Variants in MED13L observed in about 807,000 individuals in gnomAD.
The protein encoded by MED13L is mediator of RNA polymerase II transcription subunit 13-like.
Under a neutral mutation model 220.9 loss-of-function variants are expected in MED13L, and 7 were observed. The observed-to-expected ratio is 0.03, with a 90% CI of 0.02 to 0.06. The LOEUF is 0.06. Ranked by LOEUF, MED13L falls within the 10% of genes least tolerant of loss-of-function variation. The probability of loss-of-function intolerance (pLI) is 1.00; values close to 1 mark genes in which losing one functional copy is unlikely to be tolerated. For synonymous variants in MED13L, 1,011 were observed against 1,015.2 expected, an observed-to-expected ratio of 1.00 and a Z score of 0.08; for missense variants, 1,965 against 2,760.5, an observed-to-expected ratio of 0.71 and a Z score of 6.46.
At chr12:116,204,093 C>A (rs1251126460) in intron 2 of MED13L, among the ~76,000 whole-genome samples, 1 of 152,190 alleles carries the variant, frequency 6.6e-6, no homozygotes, top group Non-Finnish European at 1.5e-5. Context: ...AGCTACTGAT[C>A]TGCTTCCAAA....
intron 4 of MED13L, among the ~76,000 whole-genome samples, chr12:116,047,337 G>A (rs1881901583): frequency 6.6e-6 from 1 of 152,224 alleles, no homozygotes; most frequent in African/African-American, 2.4e-5. Context: ...GGGTGACAGA[G>A]AAAGAGCCTG....
In MED13L at chr12:115,991,638, C is replaced by T; in HGVS notation, c.3316G>A (p.Ala1106Thr). Residue 1106 changes from alanine (A) to threonine (T), a missense_variant, in exon 17 of 31, where the codon GCC becomes ACC. Physicochemically the swap from Ala to Thr is moderately conservative, Grantham distance 58. Around this residue, in one of 10 missense-constraint regions of MED13L, gnomAD observed 233 missense variants for 306.2 expected, o/e 0.76. Coordinates refer to ENST00000281928, the MANE Select transcript of MED13L (RefSeq NM_015335.5). The surrounding 1 kb of genome is among the most constrained non-coding windows in gnomAD (Gnocchi z 7.7). The stretch of plus-strand genomic sequence containing the variant: ...ATCAGGGTAACATAGAGGCTGTGGG[C>T]TTCGGGAATTGGCTGCATGGTGGCG... The part of the protein sequence containing the change: ...EPATMQPIPE[A>T]HSLYVTLILS... 6.2e-7 allele frequency: 1 copy of T among 1,614,036 alleles called. No individual in the cohort carries two copies. Among genetic ancestry groups the T allele is most frequent in the South Asian group, 1.1e-5 (1 of 91,076 alleles).
intron 2 of MED13L, among the ~76,000 whole-genome samples, chr12:116,160,531 T>C (rs1465260609): frequency 6.6e-6 from 1 of 151,802 alleles, no homozygotes; most frequent in African/African-American, 2.4e-5. Flanking sequence ...TCAGCTCCTT[T>C]GGGCCTTGGC....
chr12:115,984,302 G>A lies in MED13L; in HGVS notation c.4409C>T (p.Thr1470Ile). 1.2e-6 allele frequency: 2 copies of A among 1,614,072 alleles called. No homozygotes were observed. Among genetic ancestry groups the A allele is most frequent in the Non-Finnish European group, 1.7e-6 (2 of 1,180,014 alleles). Residue 1470 changes from threonine (T) to isoleucine (I), a missense_variant, in exon 20 of 31, where the codon ACT becomes ATT. Physicochemically the swap from Thr to Ile is moderately conservative, Grantham distance 89 (BLOSUM62 -1). This residue lies in a region of MED13L where 510 missense variants were observed against 620.4 expected (regional missense o/e 0.82). Transcript: ENST00000281928. ...CTCATCTGTCAGCTTCTGTGCCACA[G>A]TTTTTCCCACGCGCATGATCCCGTC... The part of the protein sequence containing the change: ...LRDGIMRVGK[T>I]VAQKLTDELV...
At chr12:115,972,263 C>T in intron 25 of MED13L, 27 bp from the exon 26 acceptor site, 1 of 1,609,704 alleles carries the variant, frequency 6.2e-7, no homozygotes, top group Non-Finnish European at 8.5e-7. Flanking sequence ...CAGTCATACA[C>T]AGTCTTTAGA....
At position 116,057,034 on chromosome 12, in the gene MED13L, TA is replaced by T. The variant is rs138914487; in HGVS notation, c.480-34434del. Reference sequence around the variant, plus strand: ...ATCCTAAATCATTCTGGTAAAAGAATAAAAATGGTCTCTTTCTCTCATAAGA... The same window carrying T: ...ATCCTAAATCATTCTGGTAAAAGAATAAAATGGTCTCTTTCTCTCATAAGA... On this transcript the variant is annotated intron_variant, in intron 4 of 30. Coordinates refer to ENST00000281928, the MANE Select transcript of MED13L (RefSeq NM_015335.5). Among the ~76,000 whole-genome samples the T allele has an allele frequency of 4.8e-3, 729 of 152,300 alleles. 5 individuals carry two copies. The highest frequency in any genetic ancestry group is 7.5e-3 in the Admixed American group (114 of 15,290).
chr12:115,969,803 C>T (rs997493633), intron 27 of MED13L, among the ~76,000 whole-genome samples: 1 of 152,128 alleles, frequency 6.6e-6, no homozygotes, highest in Non-Finnish European at 1.5e-5. Flanking sequence ...GGATTACAGG[C>T]ATAAGCCACC....
chr12:116,271,638 A>G (rs1189204028), intron 1 of MED13L, among the ~76,000 whole-genome samples: 1 of 152,116 alleles, frequency 6.6e-6, no homozygotes, highest in African/African-American at 2.4e-5. Context: ...AAAAAAAAAA[A>G]AAAGAAACGT....
chr12:116,096,055 T>A (rs1464450368), intron 4 of MED13L, among the ~76,000 whole-genome samples: 1 of 151,930 alleles, frequency 6.6e-6, no homozygotes, highest in Non-Finnish European at 1.5e-5. Flanking sequence ...ACAACACTTT[T>A]AAAAAATCAA....
chr12:116,130,125 C>G (rs1004253513), intron 2 of MED13L, among the ~76,000 whole-genome samples: 1 of 152,118 alleles, frequency 6.6e-6, no homozygotes, highest in Non-Finnish European at 1.5e-5. Flanking sequence ...TCACAAAAAA[C>G]TGCCTAAACA....
intron 2 of MED13L, among the ~76,000 whole-genome samples, chr12:116,182,574 C>T (rs536164592): frequency 2.3e-4 from 35 of 152,332 alleles, no homozygotes; most frequent in South Asian, 4.1e-4. Flanking sequence ...TACTGTTTCC[C>T]ATTTGCTACA....
At chr12:116,071,191 A>T (rs1870343303) in intron 4 of MED13L, among the ~76,000 whole-genome samples, 1 of 152,212 alleles carries the variant, frequency 6.6e-6, no homozygotes, top group East Asian at 1.9e-4. Context: ...GATATAGAGA[A>T]GACAGCAGTT....
chr12:115,981,011 A>G, intron 22 of MED13L, 73 bp from the exon 23 acceptor site: 1 of 1,332,296 alleles, frequency 7.5e-7, no homozygotes, highest in South Asian at 1.3e-5. Flanking sequence ...CTAACAAGCA[A>G]GCTGAAAAAG....
intron 1 of MED13L, among the ~76,000 whole-genome samples, chr12:116,257,560 C>A (rs972365260): frequency 1.5e-4 from 23 of 152,258 alleles, no homozygotes; most frequent in Middle Eastern, 3.4e-3. Context: ...AGTAACAAGA[C>A]AGAAAGAGCC....
At chr12:116,226,948 T>C (rs1869069201) in intron 2 of MED13L, among the ~76,000 whole-genome samples, 2 of 150,694 alleles carry the variant, frequency 1.3e-5, no homozygotes, top group South Asian at 4.2e-4. Context: ...GTGTTATTTC[T>C]ACCATTAAGG....
intron 2 of MED13L, among the ~76,000 whole-genome samples, chr12:116,221,330 C>T (rs943758950): frequency 3.3e-5 from 5 of 149,432 alleles, no homozygotes; most frequent in African/African-American, 5.0e-5. Context: ...GCTGTGATCA[C>T]GCTACTGCAC....
intron 16 of MED13L, among the ~76,000 whole-genome samples, chr12:115,995,844 C>T (rs1878365459): frequency 6.6e-6 from 1 of 152,160 alleles, no homozygotes; most frequent in African/African-American, 2.4e-5. Flanking sequence ...AAATACTGTA[C>T]TGAAAGTAAA....
chr12:116,182,723 C>T lies in MED13L; in HGVS notation c.310+54745G>A, dbSNP rs919345985. On this transcript the variant is annotated intron_variant, in intron 2 of 30. Transcript: ENST00000281928. The stretch of plus-strand genomic sequence containing the variant: ...GTAGAAGGGTGATAAACTTGGAGAC[C>T]CAAAGAACACAATTTGGAAACTAAT... 2.0e-5 allele frequency among the ~76,000 whole-genome samples: 3 copies of T among 152,080 alleles called. No individual in the cohort carries two copies. The East Asian group carries it at 5.8e-4, about 29-fold the overall frequency.
chr12:116,155,346 C>G (rs189246474), intron 2 of MED13L, among the ~76,000 whole-genome samples: 2 of 152,040 alleles, frequency 1.3e-5, no homozygotes, highest in South Asian at 2.1e-4. Flanking sequence ...TTGCTTGAGC[C>G]CAGAGGTTCC....
Sources: allele counts gnomAD v4.1 joint callset (sites outside exome capture counted in the v4.1 genomes callset), GRCh38; gene constraint gnomAD v4.1.1; regional missense constraint gnomAD v4.1.1; non-coding constraint Gnocchi (gnomAD v3.1); transcripts MANE v1.5; gene names NCBI Gene and HGNC (gene_info 2026-07-23, HGNC 2026-07-21).